Variants in STXBP5L observed in about 807,000 individuals in gnomAD.
STXBP5L encodes the protein syntaxin binding protein 5L, also known as syntaxin-binding protein 5-like.
Under a neutral mutation model 144.5 loss-of-function variants are expected in STXBP5L, and 65 were observed. That is an observed-to-expected ratio of 0.45 (90% confidence interval 0.37 to 0.55). The LOEUF is 0.55. Ranked by LOEUF, STXBP5L falls within the 20% of genes least tolerant of loss-of-function variation. STXBP5L has a pLI of 0.00. For synonymous variants in STXBP5L, 505 were observed against 469.6 expected (o/e 1.08, Z -0.97); for missense variants, 1,298 against 1,405.5 (o/e 0.92, Z 1.22).
intron 3 of STXBP5L, among the ~76,000 whole-genome samples, chr3:120,967,822 G>C (rs1276001402): frequency 6.6e-6 from 1 of 152,038 alleles, no homozygotes; most frequent in East Asian, 1.9e-4. Context: ...TTTGTCTCAA[G>C]AAAATTTTCA....
At chr3:121,089,724 A>G (rs928262152) in intron 5 of STXBP5L, among the ~76,000 whole-genome samples, 7 of 151,576 alleles carry the variant, frequency 4.6e-5, no homozygotes, top group Admixed American at 2.0e-4. Context: ...TGATAGATCT[A>G]TTGGTTTTGT....
chr3:121,317,651 T>C (rs559517926), intron 19 of STXBP5L, among the ~76,000 whole-genome samples: 86 of 152,168 alleles, frequency 5.7e-4, no homozygotes, highest in African/African-American at 2.0e-3. Flanking sequence ...CTAACAAAGA[T>C]AGAAAAACCA....
chr3:120,994,390 C>T (rs1055145070), intron 3 of STXBP5L, among the ~76,000 whole-genome samples: 1 of 152,040 alleles, frequency 6.6e-6, no homozygotes, highest in African/African-American at 2.4e-5. Flanking sequence ...AGGCTGTCAG[C>T]ATTTCCACAT....
At chr3:120,982,464 A>G (rs1250183530) in intron 3 of STXBP5L, among the ~76,000 whole-genome samples, 1 of 152,192 alleles carries the variant, frequency 6.6e-6, no homozygotes, top group East Asian at 1.9e-4. Flanking sequence ...CATCCTAGGC[A>G]GGTGGGAATG....
intron 9 of STXBP5L, among the ~76,000 whole-genome samples, chr3:121,203,754 G>A (rs1559860524): frequency 6.6e-6 from 1 of 152,226 alleles, no homozygotes; most frequent in South Asian, 2.1e-4. Flanking sequence ...GCTTTAATAT[G>A]TACAAACAAC....
chr3:120,999,891 AT>A (rs1223060590), intron 3 of STXBP5L, among the ~76,000 whole-genome samples: 1 of 152,120 alleles, frequency 6.6e-6, no homozygotes, highest in African/African-American at 2.4e-5. Context: ...GGGATATGAA[AT>A]TTGTGATTGA....
At chr3:121,186,878 C>A (rs1290173033) in intron 9 of STXBP5L, among the ~76,000 whole-genome samples, 1 of 152,142 alleles carries the variant, frequency 6.6e-6, no homozygotes, top group Admixed American at 6.5e-5. Context: ...CATCTCACAC[C>A]AGTTAGAATG....
At chr3:121,079,346 T>G (rs183272954) in intron 5 of STXBP5L, among the ~76,000 whole-genome samples, 22 of 152,334 alleles carry the variant, frequency 1.4e-4, no homozygotes, top group Admixed American at 1.4e-3. Context: ...AACTTATTGG[T>G]CTTGTGACAC....
intron 3 of STXBP5L, among the ~76,000 whole-genome samples, chr3:120,982,036 A>G (rs1247493893): frequency 6.6e-6 from 1 of 152,222 alleles, no homozygotes; most frequent in Admixed American, 6.5e-5. Context: ...GCCTTCTGCA[A>G]TAACAGGATT....
chr3:121,152,925 C>T (rs1330062208), intron 8 of STXBP5L, among the ~76,000 whole-genome samples: 1 of 152,036 alleles, frequency 6.6e-6, no homozygotes, highest in Non-Finnish European at 1.5e-5. Context: ...GCCTCATTGT[C>T]CTTAAGGTCT....
chr3:121,166,251 C>T (rs1351312233), intron 9 of STXBP5L, among the ~76,000 whole-genome samples: 1 of 152,180 alleles, frequency 6.6e-6, no homozygotes. Context: ...AATGATCCTT[C>T]AACCTCAGCC....
At chr3:120,957,863 G>C (rs542370899) in intron 3 of STXBP5L, among the ~76,000 whole-genome samples, 1 of 152,206 alleles carries the variant, frequency 6.6e-6, no homozygotes, top group South Asian at 2.1e-4. Flanking sequence ...AGAAGCAAGA[G>C]TAAATACATT....
intron 20 of STXBP5L, among the ~76,000 whole-genome samples, chr3:121,332,568 ACAAAAAT>A (rs1300144284): frequency 2.6e-5 from 4 of 152,154 alleles, no homozygotes; most frequent in African/African-American, 7.2e-5. Context: ...CAAAAATAAA[ACAAAAAT>A]AAGTTTAAAA....
chr3:121,259,226 A>G, intron 18 of STXBP5L, 58 bp downstream of exon 18: 1 of 1,337,966 alleles, frequency 7.5e-7, no homozygotes, highest in South Asian at 2.3e-5. Context: ...TTGATTTTTT[A>G]GATGTTCCTT....
intron 2 of STXBP5L, among the ~76,000 whole-genome samples, chr3:120,913,210 A>G (rs1392215323): frequency 6.6e-6 from 1 of 152,036 alleles, no homozygotes; most frequent in Non-Finnish European, 1.5e-5. Context: ...CTCTTTGAAA[A>G]GCAAATAATT....
intron 16 of STXBP5L, 135 bp from the exon 17 acceptor site, chr3:121,257,026 T>C (rs1408767518): frequency 1.6e-6 from 1 of 634,416 alleles, no homozygotes; most frequent in Non-Finnish European, 2.5e-6. Context: ...AACTTATTAA[T>C]TTGAAAAAAA....
intron 20 of STXBP5L, among the ~76,000 whole-genome samples, chr3:121,340,262 C>A (rs1385443446): frequency 4.6e-5 from 7 of 151,930 alleles, no homozygotes; most frequent in Non-Finnish European, 2.9e-5. Context: ...TACTTACAAC[C>A]AAATGATCTT....
chr3:121,176,159 G>A (rs183529958), intron 9 of STXBP5L, among the ~76,000 whole-genome samples: 1 of 151,916 alleles, frequency 6.6e-6, no homozygotes, highest in Non-Finnish European at 1.5e-5. Flanking sequence ...TAGAACAAGT[G>A]GGCATGATAT....
At chr3:121,142,880 A>C (rs1446537394) in intron 7 of STXBP5L, among the ~76,000 whole-genome samples, 2 of 151,876 alleles carry the variant, frequency 1.3e-5, no homozygotes, top group African/African-American at 2.4e-5. Context: ...GAAGGAAATA[A>C]ACATTAGAGG....
Sources: gnomAD v4.1 joint callset for allele counts (sites outside exome capture counted in the v4.1 genomes callset) on GRCh38, gnomAD v4.1.1 for gene constraint, MANE v1.5 for transcripts, NCBI Gene and HGNC (gene_info 2026-07-23, HGNC 2026-07-21) for gene names.